Variants in CACNA2D1 observed in about 807,000 individuals in gnomAD.
CACNA2D1 encodes the protein calcium voltage-gated channel auxiliary subunit alpha2delta 1.
In CACNA2D1, 53 loss-of-function variants were observed where a neutral mutation model predicts 171.5. The ratio of observed to expected loss-of-function variants is 0.31; its 90% CI spans 0.25 to 0.39. The LOEUF (loss-of-function observed/expected upper bound fraction) is 0.39, where lower values mean the gene tolerates loss of function less well. Among genes scored for constraint, CACNA2D1 ranks in the 10% least tolerant of loss-of-function variants. CACNA2D1 has a pLI of 1.00. For missense variants in CACNA2D1, 903 were observed against 1,299.8 expected, an observed-to-expected ratio of 0.69 and a Z score of 4.69; for synonymous variants, 442 against 443.1, an observed-to-expected ratio of 1.00 and a Z score of 0.03.
intron 1 of CACNA2D1, among the ~76,000 whole-genome samples, chr7:82,382,815 A>G (rs558798444): frequency 1.3e-5 from 2 of 152,326 alleles, no homozygotes; most frequent in South Asian, 4.1e-4. Context: ...ACAGGGCATA[A>G]AATCTATTAT....
At chr7:82,161,239 G>A (rs1183662253) in intron 4 of CACNA2D1, among the ~76,000 whole-genome samples, 1 of 151,892 alleles carries the variant, frequency 6.6e-6, no homozygotes, top group Non-Finnish European at 1.5e-5. Flanking sequence ...GGGTTTTATG[G>A]CTTCAGGAAA....
At chr7:82,031,210 G>A (rs369893203) in intron 12 of CACNA2D1, among the ~76,000 whole-genome samples, 1 of 151,788 alleles carries the variant, frequency 6.6e-6, no homozygotes, top group East Asian at 1.9e-4. Context: ...TTTGCACAGT[G>A]TGCTATGGGA....
At chr7:82,393,079 AAGGAAGGC>A (rs1394154679) in intron 1 of CACNA2D1, among the ~76,000 whole-genome samples, 162 of 114,106 alleles carry the variant, frequency 1.4e-3, no homozygotes, top group Middle Eastern at 0.012. Flanking sequence ...GGAAGGAAGG[AAGGAAGGC>A]AGGCAGGCAG....
rs574972441 is a variant in CACNA2D1 at position 81,995,146 on chromosome 7, T to C, written c.1663-207A>G. Reference sequence around the variant, plus strand: ...ATAGTCATTTTACATTATTTTAAAATAATAAAACACCCTTAATGAAATATT... The same window carrying C: ...ATAGTCATTTTACATTATTTTAAAACAATAAAACACCCTTAATGAAATATT... On this transcript the variant is annotated intron_variant, in intron 19 of 38. Transcript: ENST00000356860. Among the ~76,000 whole-genome samples, 63 of 152,286 alleles carry C rather than the reference T, an allele frequency of 4.1e-4. No homozygotes were observed. In the South Asian group the frequency reaches 0.013, roughly 32 times the overall value.
chr7:82,019,606 T>C (rs964754624), intron 12 of CACNA2D1, among the ~76,000 whole-genome samples: 7 of 152,176 alleles, frequency 4.6e-5, no homozygotes, highest in Admixed American at 2.0e-4. Flanking sequence ...GTTTTTGTTT[T>C]GTTTTGTTTG....
chr7:82,130,561 G>A (rs1182292697), intron 5 of CACNA2D1, among the ~76,000 whole-genome samples: 2 of 151,924 alleles, frequency 1.3e-5, no homozygotes, highest in Non-Finnish European at 2.9e-5. Context: ...TTAGATGATT[G>A]TATTAGAGCA....
chr7:82,334,908 CAATT>C (rs1817804347), intron 3 of CACNA2D1, among the ~76,000 whole-genome samples: 1 of 151,504 alleles, frequency 6.6e-6, no homozygotes, highest in African/African-American at 2.4e-5. Context: ...TACATATAAT[CAATT>C]AAACACAGAT....
intron 1 of CACNA2D1, among the ~76,000 whole-genome samples, chr7:82,390,852 G>T (rs1392924739): frequency 1.3e-5 from 2 of 152,092 alleles, no homozygotes; most frequent in African/African-American, 2.4e-5. Flanking sequence ...TCTTTTCAAA[G>T]AAATTATATT....
rs773908607 is a variant in CACNA2D1 at position 81,984,676 on chromosome 7, T to C, written c.1832A>G (p.Tyr611Cys). The change falls in exon 22 of 39, where the codon TAT becomes TGT. Residue 611 changes from tyrosine (Y) to cysteine (C), a missense_variant. Around this residue, in one of 5 missense-constraint regions of CACNA2D1, gnomAD observed 623 missense variants for 925.5 expected, o/e 0.67. Transcript: ENST00000356860. ...TGTCTCTTCTAGTTTGGCTTTTATA[T>C]AGTAAAAACTGTAGGTTGGTAATAC... is the stretch of plus-strand genomic sequence containing the variant. ...ALVLPTYSFY[Y>C]IKAKLEETIT... is the part of the protein sequence containing the mutation. The C allele has an allele frequency of 7.0e-6, 11 of 1,570,616 alleles. No individual in the cohort carries two copies. Among genetic ancestry groups the C allele is most frequent in the African/African-American group, 2.7e-5 (2 of 74,364 alleles).
chr7:82,221,281 C>T (rs539472349), intron 3 of CACNA2D1, among the ~76,000 whole-genome samples: 2 of 152,118 alleles, frequency 1.3e-5, no homozygotes, highest in Non-Finnish European at 2.9e-5. Context: ...CACACTTTTG[C>T]GAACTGTGTT....
At chr7:82,435,552 C>T (rs763502152) in intron 1 of CACNA2D1, among the ~76,000 whole-genome samples, 2 of 152,102 alleles carry the variant, frequency 1.3e-5, no homozygotes, top group Non-Finnish European at 2.9e-5. Flanking sequence ...CTCACAACCA[C>T]CAAGTCCTGA....
chr7:82,383,516 T>A (rs1319901950), intron 1 of CACNA2D1, among the ~76,000 whole-genome samples: 2 of 152,198 alleles, frequency 1.3e-5, no homozygotes, highest in East Asian at 3.8e-4. Flanking sequence ...AAATAGGTGA[T>A]AGAACAGACT....
At chr7:82,311,806 A>C (rs940030092) in intron 3 of CACNA2D1, among the ~76,000 whole-genome samples, 1 of 152,190 alleles carries the variant, frequency 6.6e-6, no homozygotes, top group African/African-American at 2.4e-5. Flanking sequence ...GTCTGCTTTG[A>C]AGCACTGGGA....
chr7:82,265,365 T>C (rs1209878565), intron 3 of CACNA2D1, among the ~76,000 whole-genome samples: 1 of 151,634 alleles, frequency 6.6e-6, no homozygotes, highest in Non-Finnish European at 1.5e-5. Flanking sequence ...ATATTTGATG[T>C]AAGATCTCTG....
rs554475340 is a variant in CACNA2D1 at position 82,323,078 on chromosome 7, T to C, written c.294+12057A>G. On this transcript the variant is annotated intron_variant, in intron 3 of 38. Coordinates refer to ENST00000356860, the MANE Select transcript of CACNA2D1 (RefSeq NM_000722.4). ...AAATGTTGTTTAATGTTACCAAACA[T>C]TACTTGATCAGATTGTCTTTGAATT... 6.6e-5 allele frequency among the ~76,000 whole-genome samples: 10 copies of C among 152,318 alleles called. No individual in the cohort carries two copies. The East Asian group carries it at 1.4e-3, about 21-fold the overall frequency.
At chr7:82,067,072 T>A (rs1285490158) in intron 7 of CACNA2D1, among the ~76,000 whole-genome samples, 1 of 152,180 alleles carries the variant, frequency 6.6e-6, no homozygotes, top group African/African-American at 2.4e-5. Context: ...TGTGAAGTAA[T>A]TCAAGCGCAG....
intron 38 of CACNA2D1, among the ~76,000 whole-genome samples, chr7:81,957,835 G>A (rs1299221012): frequency 6.6e-6 from 1 of 152,034 alleles, no homozygotes; most frequent in East Asian, 1.9e-4. Flanking sequence ...TCCTTTTAAT[G>A]GCTTGATCAT....
chr7:82,276,441 G>C (rs1439560017), intron 3 of CACNA2D1, among the ~76,000 whole-genome samples: 4 of 152,108 alleles, frequency 2.6e-5, no homozygotes, highest in Non-Finnish European at 4.4e-5. Context: ...GGCCGTGGCA[G>C]CAACATCAGG....
chr7:82,195,967 A>G (rs1488301747), intron 3 of CACNA2D1, among the ~76,000 whole-genome samples: 1 of 151,998 alleles, frequency 6.6e-6, no homozygotes, highest in East Asian at 1.9e-4. Flanking sequence ...AGAAATTCCC[A>G]CTTTGGGGTT....
Sources: gnomAD v4.1 joint callset for allele counts (sites outside exome capture counted in the v4.1 genomes callset) on GRCh38, gnomAD v4.1.1 for gene constraint, gnomAD v4.1.1 regional missense constraint, MANE v1.5 for transcripts, NCBI Gene and HGNC (gene_info 2026-07-23, HGNC 2026-07-21) for gene names.